ZNF484: variants seen among roughly 807,000 people sequenced by gnomAD.
ZNF484 encodes KRAB box containing C2H2 type zinc finger bA526D8.4.
ZNF484 carries 11 observed loss-of-function variants against 12.9 expected under a neutral mutation model. The ratio of observed to expected loss-of-function variants is 0.85; its 90% CI spans 0.54 to 1.41. ZNF484 has a LOEUF of 1.41. Among genes scored for constraint, ZNF484 ranks in the 40% most tolerant of loss-of-function variants. The pLI, the probability that ZNF484 is intolerant of heterozygous loss-of-function variation, is 0.00. For missense variants in ZNF484, 807 were observed against 1,007.7 expected, an observed-to-expected ratio of 0.80 and a Z score of 2.70; for synonymous variants, 289 against 334.1, an observed-to-expected ratio of 0.86 and a Z score of 1.47.
At chr9:92,876,398 G>T (rs1857815513) in intron 1 of ZNF484, among the ~76,000 whole-genome samples, 1 of 152,134 alleles carries the variant, frequency 6.6e-6, no homozygotes, top group Non-Finnish European at 1.5e-5. Flanking sequence ...AAACTGAGAT[G>T]TAAAATTCTA....
chr9:92,865,430 A>G (rs534446863), intron 2 of ZNF484, among the ~76,000 whole-genome samples: 2 of 152,388 alleles, frequency 1.3e-5, no homozygotes, highest in Non-Finnish European at 2.9e-5. Context: ...ATTAGTAACC[A>G]GGGAAATGCT....
chr9:92,846,664 A>AT lies in ZNF484; in HGVS notation c.2122dup (p.Ile708AsnfsTer16). 6.2e-7 allele frequency: 1 copy of AT among 1,613,726 alleles called. No homozygotes were observed. Among genetic ancestry groups the AT allele is most frequent in the East Asian group, 2.2e-5 (1 of 44,826 alleles). On this transcript the variant is annotated frameshift_variant, in exon 5 of 5. Transcript: ENST00000375495. LOFTEE classifies it low-confidence loss of function (END_TRUNC). ...TCCTGTATGAATTCTCTGATGCATA[A>AT]TTAGTGTTGATTTTCTTGCAAAGGC...
intron 2 of ZNF484, among the ~76,000 whole-genome samples, chr9:92,865,781 C>T (rs140772547): frequency 2.8e-4 from 43 of 152,124 alleles, no homozygotes; most frequent in African/African-American, 8.9e-4. Context: ...TGGTGGCATG[C>T]GTCTATAGTC....
chr9:92,864,436 GAAC>G (rs1259609974), intron 2 of ZNF484, among the ~76,000 whole-genome samples: 2 of 151,760 alleles, frequency 1.3e-5, no homozygotes, highest in Non-Finnish European at 2.9e-5. Context: ...ATGACATAGA[GAAC>G]AACAACAAAA....
chr9:92,875,138 G>A, intron 1 of ZNF484, 79 bp from the exon 2 acceptor site: 2 of 1,304,552 alleles, frequency 1.5e-6, no homozygotes, highest in South Asian at 1.3e-5. Context: ...ACATCATTTA[G>A]TGCCCTTGCA....
At chr9:92,874,160 T>A (rs1320438638) in intron 2 of ZNF484, among the ~76,000 whole-genome samples, 1 of 152,230 alleles carries the variant, frequency 6.6e-6, no homozygotes. Context: ...GCATTGATGT[T>A]CTGTGGAAAT....
chr9:92,873,377 T>C (rs1381960190), intron 2 of ZNF484, among the ~76,000 whole-genome samples: 1 of 152,172 alleles, frequency 6.6e-6, no homozygotes, highest in Non-Finnish European at 1.5e-5. Flanking sequence ...CTAAGACAAC[T>C]ACTAACAGCT....
chr9:92,873,387 T>C (rs1857578030), intron 2 of ZNF484, among the ~76,000 whole-genome samples: 1 of 152,072 alleles, frequency 6.6e-6, no homozygotes. Flanking sequence ...TACTAACAGC[T>C]CTGCACACAT....
Position 92,848,073 on chromosome 9 carries a change from G to A in ZNF484, c.714C>T (p.Leu238=). 1.2e-6 allele frequency: 2 copies of A among 1,614,240 alleles called. No individual in the cohort carries two copies. The highest frequency in any genetic ancestry group is 1.7e-6 in the Non-Finnish European group (2 of 1,180,044). Residue 238 remains leucine, a synonymous_variant, in exon 5 of 5, where the codon CTC becomes CTT. Coordinates refer to ENST00000375495, the MANE Select transcript of ZNF484 (RefSeq NM_031486.4). The surrounding 1 kb of genome is among the most constrained non-coding windows in gnomAD (Gnocchi z 4.1). ...TAGTATGAATTTTCTGTTGTTGAATGAGAGCTTGCTTATGATGCAGAGGTT... is the reference window on the plus strand; with the variant it reads ...TAGTATGAATTTTCTGTTGTTGAATAAGAGCTTGCTTATGATGCAGAGGTT... The part of the protein sequence containing the change: ...CGKPLHHKQA[L]IQQQKIHTRE...
In ZNF484 at chr9:92,847,936, C is replaced by T; in HGVS notation, c.851G>A (p.Cys284Tyr). Residue 284 changes from cysteine (C) to tyrosine (Y), a missense_variant, in exon 5 of 5, where the codon TGT becomes TAT. Coordinates refer to ENST00000375495, the MANE Select transcript of ZNF484 (RefSeq NM_031486.4). Reference sequence around the variant, plus strand: ...GGACTTCTGAGTGAAGACTGCCTCACATTCATGGCATTCATGCTGCTTTTC... The same window carrying T: ...GGACTTCTGAGTGAAGACTGCCTCATATTCATGGCATTCATGCTGCTTTTC... ...AEEKQHECHE[C>Y]EAVFTQKSQL... 1 of 1,614,230 alleles carries T rather than the reference C, an allele frequency of 6.2e-7. No individual in the cohort carries two copies. The highest frequency in any genetic ancestry group is 1.1e-5 in the South Asian group (1 of 91,088).
intron 2 of ZNF484, among the ~76,000 whole-genome samples, chr9:92,873,658 C>G (rs998509390): frequency 3.3e-5 from 5 of 152,224 alleles, no homozygotes; most frequent in African/African-American, 9.6e-5. Flanking sequence ...GGCATACTTC[C>G]CAGTTTATTG....
In ZNF484 at chr9:92,846,963, A is replaced by G. The variant is rs201209396; in HGVS notation, c.1824T>C (p.Tyr608=). 1.8e-4 allele frequency: 293 copies of G among 1,613,990 alleles called. No individual in the cohort carries two copies. The highest frequency in any genetic ancestry group is 2.3e-4 in the Non-Finnish European group (276 of 1,180,030). ...HERIHTGEKP[Y]ECSICGKSFT... is the part of the protein sequence containing the mutation. ...AGGATTTCCCACAAATACTGCATTC[A>G]TAGGGTTTCTCTCCAGTATGAATTC... Residue 608 remains tyrosine (Y), a synonymous_variant, in exon 5 of 5, where the codon TAT becomes TAC. Coordinates refer to ENST00000375495, the MANE Select transcript of ZNF484 (RefSeq NM_031486.4).
chr9:92,870,298 A>G (rs1256862838), intron 2 of ZNF484, among the ~76,000 whole-genome samples: 2 of 152,272 alleles, frequency 1.3e-5, no homozygotes, highest in Non-Finnish European at 2.9e-5. Flanking sequence ...AGGCCTGGAA[A>G]AAAGTGTTTT....
intron 4 of ZNF484, among the ~76,000 whole-genome samples, chr9:92,851,478 C>A (rs1856077814): frequency 6.6e-6 from 1 of 152,200 alleles, no homozygotes; most frequent in African/African-American, 2.4e-5. Flanking sequence ...GGGGCTACAA[C>A]TGCAGAAATA....
At chr9:92,856,033 G>T in intron 3 of ZNF484, 130 bp from the exon 4 acceptor site, 1 of 1,391,678 alleles carries the variant, frequency 7.2e-7, no homozygotes, top group Non-Finnish European at 9.9e-7. Context: ...TTAAGAACAT[G>T]GGACAAAATA....
Position 92,856,051 on chromosome 9 carries a change from A to G in ZNF484, c.142+141T>C, listed in dbSNP as rs1446082795. The G allele has an allele frequency of 2.2e-6, 3 of 1,384,618 alleles. No individual in the cohort carries two copies. In the African/African-American group the frequency reaches 4.3e-5, roughly 20 times the overall value. 85.8% of individuals were successfully genotyped at this position (1,384,618 alleles called of 1,614,324 possible). On this transcript the variant is annotated intron_variant, in intron 3 of 4. Coordinates refer to ENST00000375495, the MANE Select transcript of ZNF484 (RefSeq NM_031486.4). ...AGAACATGGGACAAAATAAGGACAA[A>G]ACCATTACACACTTTAGATGTCCTG... is the stretch of plus-strand genomic sequence containing the variant.
chr9:92,865,830 G>A lies in ZNF484; in HGVS notation c.15+9185C>T, dbSNP rs957554300. Among the ~76,000 whole-genome samples the A allele has an allele frequency of 3.3e-5, 5 of 152,188 alleles. No individual in the cohort carries two copies. The East Asian group carries it at 7.7e-4, about 23-fold the overall frequency. On this transcript the variant is annotated intron_variant, in intron 2 of 4. Transcript: ENST00000375495. ...AGGCAGGGGAAGCAGGATCACTTGA[G>A]CCCTGAAAGTTGAGGCTGTAGTGAG...
intron 2 of ZNF484, among the ~76,000 whole-genome samples, chr9:92,860,182 T>A (rs1469885599): frequency 6.6e-6 from 1 of 152,162 alleles, no homozygotes; most frequent in Non-Finnish European, 1.5e-5. Context: ...CACACTGTCA[T>A]TATATACTAT....
intron 2 of ZNF484, among the ~76,000 whole-genome samples, chr9:92,873,166 AGGCG>A (rs1195054071): frequency 6.6e-6 from 1 of 152,196 alleles, no homozygotes. Flanking sequence ...GCAGGCAGGC[AGGCG>A]GTCACTAGGG....
Sources: gnomAD v4.1 joint callset for allele counts (sites outside exome capture counted in the v4.1 genomes callset) on GRCh38, gnomAD v4.1.1 for gene constraint, Gnocchi (gnomAD v3.1) non-coding constraint, MANE v1.5 for transcripts, NCBI Gene and HGNC (gene_info 2026-07-23, HGNC 2026-07-21) for gene names.